CFAP43: variants seen among roughly 807,000 people sequenced by gnomAD.
CFAP43 encodes cilia and flagella associated protein 43, also known as cilia- and flagella-associated protein 43.
In CFAP43, 155 loss-of-function variants were observed where a neutral mutation model predicts 218.9. The observed-to-expected ratio is 0.71, with a 90% confidence interval of 0.62 to 0.81. CFAP43 has a LOEUF of 0.81. Ranked by LOEUF, CFAP43 falls within the 30% of genes least tolerant of loss-of-function variation. CFAP43 has a pLI of 0.00. For synonymous variants in CFAP43, 645 were observed against 681.3 expected, an observed-to-expected ratio of 0.95 and a Z score of 0.83; for missense variants, 1,778 against 1,954.3, an observed-to-expected ratio of 0.91 and a Z score of 1.70.
intron 3 of CFAP43, among the ~76,000 whole-genome samples, chr10:104,224,584 G>A (rs937893388): frequency 4.6e-5 from 7 of 150,900 alleles, no homozygotes; most frequent in South Asian, 2.1e-4. Context: ...GTGAAACCCC[G>A]TCTCTACAAA....
chr10:104,142,393 C>A lies in CFAP43; in HGVS notation c.4159G>T (p.Val1387Leu), dbSNP rs763579055. The A allele has an allele frequency of 5.0e-5, 81 of 1,610,710 alleles. No homozygotes were observed. In the East Asian group the frequency reaches 1.7e-3, roughly 34 times the overall value. Residue 1387 changes from valine to leucine, a missense_variant and splice_region_variant, in exon 33 of 38, where the codon GTA becomes TTA. By Grantham distance (32) the Val-to-Leu change is conservative. This residue lies in a region of CFAP43 where 1,553 missense variants were observed against 1,685.2 expected (regional missense o/e 0.92). Transcript: ENST00000357060. The stretch of plus-strand genomic sequence containing the variant: ...AATAAGTCAGCTGCTTTCTGCTTTA[C>A]CTAAAGAAACCAAGCCAGAAACATG... ...RRAKVENEQK[V>L]KQKAADLLEM...
intron 22 of CFAP43, among the ~76,000 whole-genome samples, chr10:104,167,181 T>A (rs1008144290): frequency 1.3e-5 from 2 of 152,280 alleles, no homozygotes; most frequent in East Asian, 3.9e-4. Context: ...AGGGCAGTGT[T>A]TTTTTAGTGG....
chr10:104,186,081 G>T lies in CFAP43; in HGVS notation c.1903C>A (p.Gln635Lys). Residue 635 changes from glutamine to lysine, a missense_variant, in exon 15 of 38, where the codon CAA becomes AAA. Transcript: ENST00000357060. ...IYILKPYKKV[Q>K]SRQYGPGLLY... ...AGTCCAGGTCCATACTGTCTGCTTT[G>T]TACTTTTTTGTATGGTTTAAGAATG... 6.4e-7 allele frequency: 1 copy of T among 1,571,426 alleles called. No homozygotes were observed.
At chr10:104,180,959 T>A (rs958321531) in intron 17 of CFAP43, among the ~76,000 whole-genome samples, 4 of 152,090 alleles carry the variant, frequency 2.6e-5, no homozygotes, top group African/African-American at 9.7e-5. Context: ...TGTCCTTACC[T>A]AGTGTTATGG....
chr10:104,208,197 G>A (rs1162326125), intron 5 of CFAP43, among the ~76,000 whole-genome samples: 6 of 152,150 alleles, frequency 3.9e-5, no homozygotes, highest in African/African-American at 9.7e-5. Flanking sequence ...GTTATTCACC[G>A]TTATCACCAT....
rs1377261186 is a variant in CFAP43 at position 104,172,471 on chromosome 10, A to C, written c.2525T>G (p.Phe842Cys). 6.2e-7 allele frequency: 1 copy of C among 1,608,154 alleles called. No homozygotes were observed. The highest frequency in any genetic ancestry group is 2.2e-5 in the East Asian group (1 of 44,490). ...ENIAKLDQQE[F>C]GLDLEELERL... Reference sequence around the variant, plus strand: ...TTCTAGTTCCTCAAGATCCAGACCAAATTCCTGTTGGTCTAATTTTGCAAT... The same window carrying C: ...TTCTAGTTCCTCAAGATCCAGACCACATTCCTGTTGGTCTAATTTTGCAAT... Residue 842 changes from phenylalanine (F) to cysteine (C), a missense_variant, in exon 20 of 38, where the codon TTT becomes TGT. Transcript: ENST00000357060.
chr10:104,152,940 A>G (rs1035699948), intron 27 of CFAP43, among the ~76,000 whole-genome samples: 34 of 152,098 alleles, frequency 2.2e-4, no homozygotes, highest in African/African-American at 8.0e-4. Flanking sequence ...TACATTGGGG[A>G]AAAAAACTTA....
At chr10:104,211,528 C>A (rs7898140) in intron 5 of CFAP43, among the ~76,000 whole-genome samples, 1 of 152,106 alleles carries the variant, frequency 6.6e-6, no homozygotes, top group Admixed American at 6.5e-5. Flanking sequence ...TCTGTGACTG[C>A]GCCTTCTCAG....
chr10:104,132,184 G>A lies in CFAP43; in HGVS notation c.4609C>T (p.Pro1537Ser). 6.3e-7 allele frequency: 1 copy of A among 1,592,766 alleles called. No homozygotes were observed. Among genetic ancestry groups the A allele is most frequent in the Non-Finnish European group, 8.5e-7 (1 of 1,170,372 alleles). Reference sequence around the variant, plus strand: ...ATACTAATCAGAGCCTCATAGTTTGGTTCATTTAGGTACTTTGAGATTAAA... The same window carrying A: ...ATACTAATCAGAGCCTCATAGTTTGATTCATTTAGGTACTTTGAGATTAAA... ...SRDRQKYLNE[P>S]NYEALISIQI... The change falls in exon 36 of 38, where the codon CCA (proline) becomes TCA (serine). Residue 1537 changes from proline (P) to serine (S), a missense_variant. Coordinates refer to ENST00000357060, the MANE Select transcript of CFAP43 (RefSeq NM_025145.7).
At position 104,168,755 on chromosome 10, in the gene CFAP43, G is replaced by C; in HGVS notation, c.2680C>G (p.Arg894Gly). ...GTTCTATCTGTTACCTTAAGAGCTC[G>C]ACCTTTCACAGCCATCGAATTCCAA... Reference protein sequence around the residue: ...ECWNSMAVKGRALKCFHIPCV... With the variant: ...ECWNSMAVKGGALKCFHIPCV... Residue 894 changes from arginine (R) to glycine (G), a missense_variant, in exon 21 of 38, where the codon CGA becomes GGA. Physicochemically the swap from Arg to Gly is moderately radical, Grantham distance 125. Coordinates refer to ENST00000357060, the MANE Select transcript of CFAP43 (RefSeq NM_025145.7). The C allele has an allele frequency of 6.2e-7, 1 of 1,613,842 alleles. No homozygotes were observed. Among genetic ancestry groups the C allele is most frequent in the Non-Finnish European group, 8.5e-7 (1 of 1,179,844 alleles).
At chr10:104,227,889 C>T (rs985521399) in intron 2 of CFAP43, among the ~76,000 whole-genome samples, 5 of 123,022 alleles carry the variant, frequency 4.1e-5, no homozygotes, top group Non-Finnish European at 7.9e-5. Context: ...GCTATGTTGC[C>T]AGGCTGGAGT....
In CFAP43 at chr10:104,187,302, A is replaced by G. The variant is rs748553194; in HGVS notation, c.1860+18T>C. The G allele has an allele frequency of 1.7e-5, 27 of 1,584,404 alleles. No individual in the cohort carries two copies. The highest frequency in any genetic ancestry group is 1.1e-4 in the Admixed American group (6 of 52,954). ...TGATTGCTAAGATAAATGAGAGCAC[A>G]CTTAAGTGTTGACATACTTCTTCAG... On this transcript the variant is annotated intron_variant, in intron 14 of 37. Coordinates refer to ENST00000357060, the MANE Select transcript of CFAP43 (RefSeq NM_025145.7).
Position 104,130,265 on chromosome 10 carries a change from A to C in CFAP43, c.4872T>G (p.Tyr1624Ter). The C allele has an allele frequency of 6.2e-7, 1 of 1,612,596 alleles. No individual in the cohort carries two copies. The highest frequency in any genetic ancestry group is 1.7e-4 in the Middle Eastern group (1 of 6,054). ...ACTTCTGCTGTTGCATCATGTTTTC[A>C]TACCGTTCTTTGACAATCTTTTCAC... Reference protein sequence around the residue: ...LTCEKIVKERYENMMQQQKLT... With the variant: ...LTCEKIVKER The change falls in exon 38 of 38, where the codon TAT (tyrosine) becomes TAG (stop). Residue 1624 changes from tyrosine (Y) to a stop codon, truncating the protein, a stop_gained. Transcript: ENST00000357060. LOFTEE classifies it high-confidence loss of function.
rs544398351 is a variant in CFAP43, at chr10:104,163,455, A to AT, written c.3246+638dup. ...GGTCTTTCTTTGAGTATTCTTTAGC[A>AT]TTTTTTTTTACTTTTAAAAAATGAA... On this transcript the variant is annotated intron_variant, in intron 24 of 37. Coordinates refer to ENST00000357060, the MANE Select transcript of CFAP43 (RefSeq NM_025145.7). Among the ~76,000 whole-genome samples, 1,110 of 151,518 alleles carry AT rather than the reference A, an allele frequency of 7.3e-3. 6 individuals are homozygous for AT. The highest frequency in any genetic ancestry group is 0.011 in the Non-Finnish European group (773 of 67,792).
chr10:104,142,133 G>A (rs748318103), intron 33 of CFAP43, 148 bp downstream of exon 33: 55 of 527,078 alleles, frequency 1.0e-4, no homozygotes, highest in Non-Finnish European at 1.6e-4. Context: ...AACAAAGCAG[G>A]CTTTTTAAAA....
chr10:104,206,061 G>T (rs2090677386), intron 6 of CFAP43, 31 bp from the exon 7 acceptor site: 1 of 1,533,990 alleles, frequency 6.5e-7, no homozygotes, highest in African/African-American at 1.4e-5. Flanking sequence ...GGTAAAGCAG[G>T]TGACGTAATT....
chr10:104,196,864 G>GA lies in CFAP43; in HGVS notation c.1281dup (p.Leu428SerfsTer33). 6.2e-7 allele frequency: 1 copy of GA among 1,611,402 alleles called. No individual in the cohort carries two copies. The highest frequency in any genetic ancestry group is 8.5e-7 in the Non-Finnish European group (1 of 1,178,562). On this transcript the variant is annotated frameshift_variant, in exon 10 of 38. Transcript: ENST00000357060. LOFTEE classifies it high-confidence loss of function. The stretch of plus-strand genomic sequence containing the variant: ...TCAAGTATACTTACTAGGGTATTCA[G>GA]ATAAATCTTGCTTACACAAGCACAA...
chr10:104,172,260 T>C (rs2089442345), intron 20 of CFAP43, 150 bp downstream of exon 20: 1 of 944,830 alleles, frequency 1.1e-6, no homozygotes, highest in Non-Finnish European at 1.5e-6. Context: ...CTCTGATTCA[T>C]TATACTTATA....
At chr10:104,204,698 G>T (rs554336870) in intron 7 of CFAP43, among the ~76,000 whole-genome samples, 2 of 152,070 alleles carry the variant, frequency 1.3e-5, no homozygotes, top group Non-Finnish European at 2.9e-5. Context: ...CTGCAAGGTT[G>T]GGGGAGCTAA....
Sources: allele counts gnomAD v4.1 joint callset (sites outside exome capture counted in the v4.1 genomes callset), GRCh38; gene constraint gnomAD v4.1.1; regional missense constraint gnomAD v4.1.1; transcripts MANE v1.5; gene names NCBI Gene and HGNC (gene_info 2026-07-23, HGNC 2026-07-21).